The following NXPH2 variants were observed in gnomAD, a reference collection of about 807,000 sequenced individuals.
NXPH2 encodes neurexophilin-2.
A neutral mutation model predicts 19.8 loss-of-function variants in NXPH2; 5 were observed. The ratio of observed to expected loss-of-function variants is 0.25; its 90% CI spans 0.13 to 0.53. NXPH2 has a LOEUF of 0.53. Among genes scored for constraint, NXPH2 ranks in the 20% least tolerant of loss-of-function variants. The pLI, the probability that NXPH2 is intolerant of heterozygous loss-of-function variation, is 0.96. For missense variants in NXPH2, 289 were observed against 322.8 expected (o/e 0.90, Z 0.80); for synonymous variants, 154 against 127.4 (o/e 1.21, Z -1.41).
At chr2:138,739,145 C>T (rs770436816) in intron 1 of NXPH2, among the ~76,000 whole-genome samples, 46 of 152,056 alleles carry the variant, frequency 3.0e-4, no homozygotes, top group Non-Finnish European at 3.1e-4. Context: ...TAAAGTATTG[C>T]ATCAATAATA....
chr2:138,672,631 T>C (rs186823785), intron 1 of NXPH2, among the ~76,000 whole-genome samples: 5 of 152,134 alleles, frequency 3.3e-5, no homozygotes, highest in African/African-American at 1.2e-4. Flanking sequence ...AAAATAGAGG[T>C]TTCTAGTGGA....
chr2:138,687,380 A>C (rs1246880462), intron 1 of NXPH2, among the ~76,000 whole-genome samples: 1 of 152,078 alleles, frequency 6.6e-6, no homozygotes, highest in East Asian at 1.9e-4. Context: ...CATATACTTC[A>C]CCGTCTTTTT....
At position 138,748,915 on chromosome 2, in the gene NXPH2, A is replaced by C. The variant is rs1392655091; in HGVS notation, c.51+31276T>G. Among the ~76,000 whole-genome samples the C allele has an allele frequency of 3.3e-5, 5 of 152,184 alleles. No homozygotes were observed. The East Asian group carries it at 9.6e-4, about 29-fold the overall frequency. On this transcript the variant is annotated intron_variant, in intron 1 of 1. Transcript: ENST00000272641. The stretch of plus-strand genomic sequence containing the variant: ...TATATAATAAAAAGAATCAAAGAAA[A>C]GCAGTTTTGCATTTTTGCTTTTTCA...
At chr2:138,734,348 A>G (rs1351832861) in intron 1 of NXPH2, among the ~76,000 whole-genome samples, 1 of 152,232 alleles carries the variant, frequency 6.6e-6, no homozygotes, top group Non-Finnish European at 1.5e-5. Flanking sequence ...CAATTCAATG[A>G]GTCTGACTAT....
At chr2:138,698,387 G>GT (rs1680861570) in intron 1 of NXPH2, among the ~76,000 whole-genome samples, 1 of 152,064 alleles carries the variant, frequency 6.6e-6, no homozygotes, top group African/African-American at 2.4e-5. Flanking sequence ...GTACATATAG[G>GT]TTATGACTGG....
intron 1 of NXPH2, among the ~76,000 whole-genome samples, chr2:138,735,882 G>A (rs1326143453): frequency 6.6e-6 from 1 of 152,188 alleles, no homozygotes; most frequent in Non-Finnish European, 1.5e-5. Context: ...AAAACGAAGG[G>A]GCTACCAGCC....
chr2:138,689,525 G>C (rs908333362), intron 1 of NXPH2, among the ~76,000 whole-genome samples: 6 of 152,146 alleles, frequency 3.9e-5, no homozygotes, highest in African/African-American at 1.4e-4. Context: ...AGCTTTTCCA[G>C]GAGTGCCCAT....
At chr2:138,726,851 T>C (rs1397239178) in intron 1 of NXPH2, among the ~76,000 whole-genome samples, 1 of 152,190 alleles carries the variant, frequency 6.6e-6, no homozygotes, top group Non-Finnish European at 1.5e-5. Context: ...GTACATTCTA[T>C]GGGTTTGGAC....
intron 1 of NXPH2, among the ~76,000 whole-genome samples, chr2:138,734,432 G>A (rs371587473): frequency 8.5e-5 from 13 of 152,188 alleles, no homozygotes; most frequent in Admixed American, 2.0e-4. Context: ...ATAATTTAGA[G>A]AGAAAGGCAA....
At chr2:138,733,933 T>C (rs1681494584) in intron 1 of NXPH2, among the ~76,000 whole-genome samples, 1 of 152,158 alleles carries the variant, frequency 6.6e-6, no homozygotes, top group Non-Finnish European at 1.5e-5. Flanking sequence ...TTGTAAATAC[T>C]TGAAGAAACG....
intron 1 of NXPH2, among the ~76,000 whole-genome samples, chr2:138,686,062 A>G (rs1680645941): frequency 6.6e-6 from 1 of 152,140 alleles, no homozygotes; most frequent in Non-Finnish European, 1.5e-5. Flanking sequence ...AACTGCCTGG[A>G]CCTCTCACAA....
intron 1 of NXPH2, among the ~76,000 whole-genome samples, chr2:138,737,005 C>T (rs1681558044): frequency 6.6e-6 from 1 of 152,166 alleles, no homozygotes; most frequent in Non-Finnish European, 1.5e-5. Context: ...GTCCATATCC[C>T]TATCAGTATT....
intron 1 of NXPH2, among the ~76,000 whole-genome samples, chr2:138,717,804 T>C (rs1681215308): frequency 6.6e-6 from 1 of 152,048 alleles, no homozygotes; most frequent in Non-Finnish European, 1.5e-5. Flanking sequence ...CAAAAACAAC[T>C]CTAAAAATTC....
intron 1 of NXPH2, among the ~76,000 whole-genome samples, chr2:138,733,577 T>C (rs1681485012): frequency 6.6e-6 from 1 of 152,182 alleles, no homozygotes. Context: ...AGAAAAATTC[T>C]TCAGAAATTG....
chr2:138,717,262 A>G (rs979984036), intron 1 of NXPH2, among the ~76,000 whole-genome samples: 2 of 152,150 alleles, frequency 1.3e-5, no homozygotes, highest in African/African-American at 4.8e-5. Context: ...CAACATTCCT[A>G]TGGCTTTATC....
At chr2:138,754,458 C>T (rs905637221) in intron 1 of NXPH2, among the ~76,000 whole-genome samples, 1 of 152,134 alleles carries the variant, frequency 6.6e-6, no homozygotes, top group African/African-American at 2.4e-5. Context: ...TTTAGACTGG[C>T]TTCTTTTACT....
chr2:138,742,179 T>C (rs1008509991), intron 1 of NXPH2, among the ~76,000 whole-genome samples: 2 of 152,106 alleles, frequency 1.3e-5, no homozygotes, highest in African/African-American at 4.8e-5. Flanking sequence ...AAGCTCCAGA[T>C]CTGGGGTGTC....
intron 1 of NXPH2, among the ~76,000 whole-genome samples, chr2:138,759,299 C>T (rs533784298): frequency 2.2e-4 from 33 of 152,178 alleles, no homozygotes; most frequent in African/African-American, 7.2e-4. Context: ...ATTCAAGAAA[C>T]AAGAAGTCAT....
At chr2:138,767,435 T>A (rs972572073) in intron 1 of NXPH2, among the ~76,000 whole-genome samples, 26 of 152,240 alleles carry the variant, frequency 1.7e-4, no homozygotes, top group African/African-American at 6.0e-4. Context: ...CCTGAGACCC[T>A]TGCATGCCCC....
Sources: gnomAD v4.1 joint callset for allele counts (sites outside exome capture counted in the v4.1 genomes callset) on GRCh38, gnomAD v4.1.1 for gene constraint, MANE v1.5 for transcripts, NCBI Gene and HGNC (gene_info 2026-07-23, HGNC 2026-07-21) for gene names.